Variants in CSMD1 observed in about 807,000 individuals in gnomAD.
CSMD1 encodes the protein CUB and sushi domain-containing protein 1.
Under a neutral mutation model 417.5 loss-of-function variants are expected in CSMD1, and 213 were observed. That is an observed-to-expected ratio of 0.51 (90% CI 0.46 to 0.57). The LOEUF (loss-of-function observed/expected upper bound fraction) is 0.57. CSMD1 is among the 20% of genes least tolerant of loss of function. The pLI, the probability that CSMD1 is intolerant of heterozygous loss-of-function variation, is 0.00. For synonymous variants in CSMD1, 2,862 were observed against 1,736.8 expected (o/e 1.65, Z -16.11); for missense variants, 6,923 against 4,529.7 (o/e 1.53, Z -15.17).
chr8:3,754,686 C>G (rs769930881), intron 5 of CSMD1, among the ~76,000 whole-genome samples: 1 of 152,188 alleles, frequency 6.6e-6, no homozygotes, highest in South Asian at 2.1e-4. Context: ...AACTTGTGAC[C>G]TCAGGTGATC....
chr8:3,923,168 C>A (rs987295979), intron 5 of CSMD1, among the ~76,000 whole-genome samples: 2 of 152,098 alleles, frequency 1.3e-5, no homozygotes, highest in Non-Finnish European at 2.9e-5. Flanking sequence ...CTTCATGAGA[C>A]CTCTCCTCAT....
intron 5 of CSMD1, among the ~76,000 whole-genome samples, chr8:3,916,999 C>G (rs1808874523): frequency 2.0e-5 from 3 of 152,082 alleles, no homozygotes; most frequent in African/African-American, 7.2e-5. Flanking sequence ...ACTCCACTGC[C>G]CTATGAAGCA....
chr8:3,810,399 G>A (rs1801000299), intron 5 of CSMD1, among the ~76,000 whole-genome samples: 1 of 152,182 alleles, frequency 6.6e-6, no homozygotes, highest in East Asian at 1.9e-4. Context: ...CCTTCAGGGA[G>A]AGCTAAGTCC....
intron 5 of CSMD1, among the ~76,000 whole-genome samples, chr8:3,779,367 A>C (rs1337540671): frequency 1.3e-5 from 2 of 152,196 alleles, no homozygotes; most frequent in Non-Finnish European, 2.9e-5. Context: ...GTAATGACCC[A>C]AGATGAAGAA....
chr8:4,252,342 C>G (rs773389212), intron 3 of CSMD1, among the ~76,000 whole-genome samples: 24 of 152,312 alleles, frequency 1.6e-4, no homozygotes, highest in Middle Eastern at 3.4e-3. Context: ...AAGAATATGT[C>G]ATGCTAGCTT....
At chr8:3,431,183 G>C (rs1055097218) in intron 12 of CSMD1, among the ~76,000 whole-genome samples, 1 of 152,110 alleles carries the variant, frequency 6.6e-6, no homozygotes. Flanking sequence ...GAGGGATGAT[G>C]GAGATTAGGA....
chr8:4,028,771 A>G (rs983737681), intron 4 of CSMD1, among the ~76,000 whole-genome samples: 1 of 152,220 alleles, frequency 6.6e-6, no homozygotes, highest in African/African-American at 2.4e-5. Flanking sequence ...GTTAAATGGT[A>G]TAATCCAAGT....
chr8:4,624,873 C>T (rs949205753), intron 2 of CSMD1, among the ~76,000 whole-genome samples: 1 of 152,054 alleles, frequency 6.6e-6, no homozygotes, highest in African/African-American at 2.4e-5. Flanking sequence ...CGTTTCCATT[C>T]GGGGTGGTGG....
intron 1 of CSMD1, among the ~76,000 whole-genome samples, chr8:4,800,986 T>C (rs1032425875): frequency 6.6e-6 from 1 of 152,210 alleles, no homozygotes. Context: ...TTATCCCAAG[T>C]TGTAAGCACA....
chr8:4,324,458 C>G (rs922438600), intron 3 of CSMD1, among the ~76,000 whole-genome samples: 2 of 152,204 alleles, frequency 1.3e-5, no homozygotes, highest in East Asian at 3.9e-4. Context: ...ACACAGCAAA[C>G]CAAGCTTCTT....
chr8:2,942,892 T>C (rs956028168), intron 68 of CSMD1, among the ~76,000 whole-genome samples: 2 of 152,212 alleles, frequency 1.3e-5, no homozygotes, highest in African/African-American at 4.8e-5. Flanking sequence ...TCGTTTATAG[T>C]TATAGGTGTT....
At chr8:3,127,882 G>A (rs186708929) in intron 41 of CSMD1, 1 of 143,948 alleles carries the variant, frequency 6.9e-6, no homozygotes, top group East Asian at 2.0e-4. Context: ...AGGAATGAGA[G>A]GGAGGGAGGG....
chr8:4,271,120 C>G (rs1804565020), intron 3 of CSMD1, among the ~76,000 whole-genome samples: 1 of 152,174 alleles, frequency 6.6e-6, no homozygotes, highest in Admixed American at 6.6e-5. Context: ...TTTCCTCATT[C>G]TGCCTGGAGC....
intron 1 of CSMD1, among the ~76,000 whole-genome samples, chr8:4,745,037 T>A (rs1810864999): frequency 6.6e-6 from 1 of 152,162 alleles, no homozygotes; most frequent in Non-Finnish European, 1.5e-5. Context: ...ATTGAACTAA[T>A]ATATATTCTT....
intron 1 of CSMD1, among the ~76,000 whole-genome samples, chr8:4,809,747 A>G (rs1162475220): frequency 2.0e-5 from 3 of 152,220 alleles, no homozygotes. Context: ...ATAAGTGAAA[A>G]TTGAGATAAT....
intron 1 of CSMD1, among the ~76,000 whole-genome samples, chr8:4,699,961 G>A (rs149016625): frequency 1.7e-4 from 26 of 152,236 alleles, no homozygotes; most frequent in African/African-American, 6.3e-4. Flanking sequence ...GACAGGCTTG[G>A]ATTCTGTAAT....
intron 5 of CSMD1, among the ~76,000 whole-genome samples, chr8:3,907,223 T>G (rs564466471): frequency 6.6e-6 from 1 of 152,324 alleles, no homozygotes; most frequent in African/African-American, 2.4e-5. Flanking sequence ...AAATAAAAAT[T>G]TCTTGGAAAA....
In CSMD1 at chr8:3,866,437, C is replaced by G. The variant is rs77981355; in HGVS notation, c.819-112395G>C. Among the ~76,000 whole-genome samples, 1,445 of 152,222 alleles carry G rather than the reference C, an allele frequency of 9.5e-3. 18 individuals are homozygous for G. The highest frequency in any genetic ancestry group is 0.023 in the South Asian group (111 of 4,824). On this transcript the variant is annotated intron_variant, in intron 5 of 69. Transcript: ENST00000635120. ...ATGGAAGCGTTTCCAATTTGATTAC[C>G]TGATATGTTTAAATAGTGTGTGCTT...
intron 3 of CSMD1, among the ~76,000 whole-genome samples, chr8:4,299,646 T>C (rs1361374060): frequency 6.6e-6 from 1 of 152,196 alleles, no homozygotes; most frequent in African/African-American, 2.4e-5. Flanking sequence ...CTTTCTTTTC[T>C]TTCTTTGAGA....
Sources: gnomAD v4.1 joint callset for allele counts (sites outside exome capture counted in the v4.1 genomes callset) on GRCh38, gnomAD v4.1.1 for gene constraint, MANE v1.5 for transcripts, NCBI Gene and HGNC (gene_info 2026-07-23, HGNC 2026-07-21) for gene names.